Variants in DPYD observed in about 807,000 individuals in gnomAD.
The protein encoded by DPYD is dihydropyrimidine dehydrogenase [NADP(+)].
In DPYD, 109 loss-of-function variants were observed where a neutral mutation model predicts 116.2. The ratio of observed to expected loss-of-function variants is 0.94; its 90% CI spans 0.80 to 1.10. The LOEUF is 1.10. Ranked by LOEUF, DPYD falls within the 50% of genes least tolerant of loss-of-function variation. The probability of loss-of-function intolerance (pLI) is 0.00; values close to 1 mark genes in which losing one functional copy is unlikely to be tolerated. For synonymous variants in DPYD, 440 were observed against 432.0 expected, an observed-to-expected ratio of 1.02 and a Z score of -0.23; for missense variants, 1,302 against 1,254.5, an observed-to-expected ratio of 1.04 and a Z score of -0.57.
At chr1:97,585,960 C>CA in intron 10 of DPYD, 1 of 216,306 alleles carries the variant, frequency 4.6e-6, no homozygotes, top group South Asian at 8.9e-5. Flanking sequence ...TATGTCTTCC[C>CA]TCTTTCCAAA....
chr1:97,438,456 T>C (rs1172866215), intron 14 of DPYD, among the ~76,000 whole-genome samples: 1 of 152,100 alleles, frequency 6.6e-6, no homozygotes, highest in Non-Finnish European at 1.5e-5. Flanking sequence ...TTTATCTGTA[T>C]TTCATGATTT....
intron 3 of DPYD, among the ~76,000 whole-genome samples, chr1:97,751,476 A>G (rs1222292545): frequency 2.9e-4 from 35 of 119,400 alleles, no homozygotes; most frequent in South Asian, 1.1e-3. Flanking sequence ...ATATATATAT[A>G]TATATATATA....
chr1:97,501,616 C>T (rs1037579468), intron 13 of DPYD, among the ~76,000 whole-genome samples: 1 of 151,932 alleles, frequency 6.6e-6, no homozygotes, highest in Non-Finnish European at 1.5e-5. Flanking sequence ...GAGGCTGAGA[C>T]AGGAGGATCA....
intron 21 of DPYD, among the ~76,000 whole-genome samples, chr1:97,086,443 C>T (rs1175607636): frequency 6.6e-6 from 1 of 151,858 alleles, no homozygotes; most frequent in African/African-American, 2.4e-5. Context: ...GCCCTGATTC[C>T]GTCCCTGATG....
intron 21 of DPYD, among the ~76,000 whole-genome samples, chr1:97,083,573 C>G (rs1649312937): frequency 6.6e-6 from 1 of 152,044 alleles, no homozygotes; most frequent in East Asian, 1.9e-4. Context: ...TCCCTATTTT[C>G]TTTATAATGC....
intron 3 of DPYD, among the ~76,000 whole-genome samples, chr1:97,808,989 ACCAGTATGG>A (rs1668216330): frequency 6.6e-6 from 1 of 152,096 alleles, no homozygotes; most frequent in Non-Finnish European, 1.5e-5. Context: ...CAATGTTTAG[ACCAGTATGG>A]CTAAATATGA....
intron 18 of DPYD, among the ~76,000 whole-genome samples, chr1:97,239,454 T>C (rs899437028): frequency 7.2e-5 from 11 of 152,106 alleles, no homozygotes; most frequent in African/African-American, 2.7e-4. Context: ...CCACAAAATA[T>C]TTTTTAAGCA....
chr1:97,872,176 A>G (rs902079773), intron 2 of DPYD, among the ~76,000 whole-genome samples: 1 of 151,844 alleles, frequency 6.6e-6, no homozygotes, highest in African/African-American at 2.4e-5. Context: ...TAAAAACCCA[A>G]CCTCAAAGAT....
chr1:97,594,982 G>T, intron 9 of DPYD, 77 bp downstream of exon 9: 2 of 1,183,576 alleles, frequency 1.7e-6, no homozygotes, highest in Non-Finnish European at 2.5e-6. Context: ...ATGTGCTGCT[G>T]AGCTTGATTT....
At chr1:97,726,242 G>A (rs966734038) in intron 4 of DPYD, among the ~76,000 whole-genome samples, 14 of 151,342 alleles carry the variant, frequency 9.3e-5, no homozygotes, top group African/African-American at 3.4e-4. Context: ...GTGAGCCAAT[G>A]GTTCTTTCTC....
chr1:97,226,174 G>A (rs990459599), intron 19 of DPYD, among the ~76,000 whole-genome samples: 3 of 151,954 alleles, frequency 2.0e-5, no homozygotes, highest in Admixed American at 6.6e-5. Flanking sequence ...AAAATCATCC[G>A]ACAAAATTGA....
At chr1:97,618,544 T>G (rs191413383) in intron 8 of DPYD, among the ~76,000 whole-genome samples, 3 of 152,148 alleles carry the variant, frequency 2.0e-5, no homozygotes, top group Admixed American at 2.0e-4. Context: ...CCCGGTTAAT[T>G]TTTTTGTATA....
At chr1:97,745,576 C>T (rs1010753578) in intron 3 of DPYD, among the ~76,000 whole-genome samples, 1 of 152,034 alleles carries the variant, frequency 6.6e-6, no homozygotes, top group African/African-American at 2.4e-5. Flanking sequence ...TTGGTTTTAC[C>T]ATATAATAGC....
chr1:97,762,978 G>A (rs1390835867), intron 3 of DPYD, among the ~76,000 whole-genome samples: 1 of 152,012 alleles, frequency 6.6e-6, no homozygotes, highest in Non-Finnish European at 1.5e-5. Flanking sequence ...GTTATTATGA[G>A]GAACAAAGGA....
intron 21 of DPYD, among the ~76,000 whole-genome samples, chr1:97,084,587 C>T (rs1649383076): frequency 6.6e-6 from 1 of 152,018 alleles, no homozygotes. Flanking sequence ...CAGGCCAGTG[C>T]CATATGTTTT....
rs973727076 is a variant in DPYD at position 97,546,360 on chromosome 1, T to G, written c.1524+3200A>C. 6.2e-5 allele frequency: 88 copies of G among 1,422,932 alleles called. 1 individual carries two copies. The highest frequency in any genetic ancestry group is 4.7e-4 in the South Asian group (41 of 87,032). 88.1% of individuals were successfully genotyped at this position (1,422,932 alleles called of 1,614,324 possible). A position where few individuals can be genotyped will look rare whatever the true frequency, so the allele number is the denominator to read the frequency against. ...CAAATGGAGTTGTTGGGAATGAAGCTGCAGTAAAGGAAGATGAAGAAGAAG... is the reference window on the plus strand; with the variant it reads ...CAAATGGAGTTGTTGGGAATGAAGCGGCAGTAAAGGAAGATGAAGAAGAAG... On this transcript the variant is annotated intron_variant, in intron 12 of 22. Coordinates refer to ENST00000370192, the MANE Select transcript of DPYD (RefSeq NM_000110.4).
At chr1:97,806,664 T>C (rs1053017989) in intron 3 of DPYD, among the ~76,000 whole-genome samples, 23 of 151,906 alleles carry the variant, frequency 1.5e-4, no homozygotes, top group Non-Finnish European at 1.6e-4. Flanking sequence ...CATTGACACA[T>C]CATTATCACA....
intron 20 of DPYD, among the ~76,000 whole-genome samples, chr1:97,188,746 C>A (rs545541797): frequency 3.5e-4 from 53 of 152,228 alleles, no homozygotes; most frequent in African/African-American, 1.3e-3. Flanking sequence ...AGCTACCATG[C>A]CATTACTCCT....
At chr1:97,840,943 G>C (rs1019803576) in intron 2 of DPYD, among the ~76,000 whole-genome samples, 2 of 152,116 alleles carry the variant, frequency 1.3e-5, no homozygotes, top group African/African-American at 4.8e-5. Context: ...TTCACTGGAA[G>C]AAAGTGTAGG....
Sources: gnomAD v4.1 joint callset for allele counts (sites outside exome capture counted in the v4.1 genomes callset) on GRCh38, gnomAD v4.1.1 for gene constraint, MANE v1.5 for transcripts, NCBI Gene and HGNC (gene_info 2026-07-23, HGNC 2026-07-21) for gene names.